The following CDH23 variants were observed in gnomAD, a reference collection of about 807,000 sequenced individuals.
The protein encoded by CDH23 is cadherin-23.
In CDH23, 189 loss-of-function variants were observed where a neutral mutation model predicts 317.1. The observed-to-expected ratio is 0.60, with a 90% CI of 0.53 to 0.67. The LOEUF (loss-of-function observed/expected upper bound fraction) is 0.67, where lower values mean the gene tolerates loss of function less well. Ranked by LOEUF, CDH23 falls within the 30% of genes least tolerant of loss-of-function variation. The probability of loss-of-function intolerance (pLI) is 0.00; values close to 1 mark genes in which losing one functional copy is unlikely to be tolerated. For synonymous variants in CDH23, 1,839 were observed against 1,876.8 expected, an observed-to-expected ratio of 0.98 and a Z score of 0.52; for missense variants, 4,401 against 4,592.4, an observed-to-expected ratio of 0.96 and a Z score of 1.20.
At chr10:71,773,510 C>T (rs760838403) in intron 38 of CDH23, 2 of 1,442,816 alleles carry the variant, frequency 1.4e-6, no homozygotes, top group South Asian at 1.2e-5. Context: ...GCGGGGAAGC[C>T]TCCCGCGACT....
At chr10:71,763,304 G>A (rs1406470094) in intron 38 of CDH23, among the ~76,000 whole-genome samples, 4 of 152,190 alleles carry the variant, frequency 2.6e-5, no homozygotes, top group Non-Finnish European at 2.9e-5. Context: ...CACTACGCCC[G>A]GCCAGTGGTA....
intron 34 of CDH23, among the ~76,000 whole-genome samples, chr10:71,736,535 A>G (rs535092051): frequency 6.6e-6 from 1 of 152,254 alleles, no homozygotes; most frequent in South Asian, 2.1e-4. Context: ...GGGGAGGGCA[A>G]TGTGGATTGT....
chr10:71,705,400 C>CCTCT (rs1169360628), intron 25 of CDH23, among the ~76,000 whole-genome samples: 6 of 152,206 alleles, frequency 3.9e-5, no homozygotes, highest in Non-Finnish European at 7.3e-5. Context: ...CCCCTCCTAG[C>CCTCT]CTCTGATCGT....
chr10:71,667,845 G>A (rs148756301), intron 14 of CDH23, among the ~76,000 whole-genome samples: 104 of 152,242 alleles, frequency 6.8e-4, no homozygotes, highest in Admixed American at 1.4e-3. Context: ...CCAGAGGGCC[G>A]GGAGCTGGGC....
Position 71,495,240 on chromosome 10 carries a change from A to G in CDH23, c.146-14842A>G, listed in dbSNP as rs77171424. Reference sequence around the variant, plus strand: ...ATGTATTAATTTTAGGGCAAAATGAATGGTGCTGTGATCATTGTGGGTAAT... The same window carrying G: ...ATGTATTAATTTTAGGGCAAAATGAGTGGTGCTGTGATCATTGTGGGTAAT... On this transcript the variant is annotated intron_variant, in intron 3 of 69. Transcript: ENST00000224721. Among the ~76,000 whole-genome samples the G allele has an allele frequency of 1.6e-4, 25 of 152,326 alleles. No homozygotes were observed. In the East Asian group the frequency reaches 4.2e-3, roughly 26 times the overall value.
rs751192273 is a variant in CDH23 at position 71,511,154 on chromosome 10, A to G, written c.371A>G (p.Asp124Gly). The change falls in exon 6 of 70, where the codon GAT becomes GGT. Residue 124 changes from aspartate to glycine, a missense_variant. Asp to Gly is a moderately conservative substitution (Grantham distance 94). Around this residue, in one of 3 missense-constraint regions of CDH23, gnomAD observed 3,068 missense variants for 3,203.3 expected, o/e 0.96. Transcript: ENST00000224721. ...ITRKVNIQVG[D>G]VNDNAPTFHN... Reference sequence around the variant, plus strand: ...CGGAAGGTGAACATCCAGGTTGGGGATGTGAATGACAACGCGCCCACATTT... The same window carrying G: ...CGGAAGGTGAACATCCAGGTTGGGGGTGTGAATGACAACGCGCCCACATTT... The G allele has an allele frequency of 1.9e-6, 3 of 1,613,632 alleles. No individual in the cohort carries two copies. The highest frequency in any genetic ancestry group is 1.7e-6 in the Non-Finnish European group (2 of 1,179,648).
chr10:71,707,594 G>A (rs1285254236), intron 26 of CDH23: 1 of 925,546 alleles, frequency 1.1e-6, no homozygotes, highest in Non-Finnish European at 1.3e-6. Context: ...AGCTGCAATG[G>A]ATTAGTGATG....
At chr10:71,760,977 G>C in intron 38 of CDH23, 1 of 1,578,218 alleles carries the variant, frequency 6.3e-7, no homozygotes, top group Non-Finnish European at 8.7e-7. Flanking sequence ...CAGGAGGCCA[G>C]GGAGGCTTGT....
At position 71,807,541 on chromosome 10, in the gene CDH23, T is replaced by A; in HGVS notation, c.8334T>A (p.His2778Gln). ...CCGGCAACGAAGAGAAGAACTTCCATCTGCAGCCCGATGGGTGTCTGCTGG... is the reference window on the plus strand; with the variant it reads ...CCGGCAACGAAGAGAAGAACTTCCAACTGCAGCCCGATGGGTGTCTGCTGG... ...IAAGNEEKNF[H>Q]LQPDGCLLVL... Residue 2778 changes from histidine to glutamine, a missense_variant, in exon 59 of 70, where the codon CAT becomes CAA. Physicochemically the swap from His to Gln is conservative, Grantham distance 24 (BLOSUM62 0). Around this residue, in one of 3 missense-constraint regions of CDH23, gnomAD observed 1,144 missense variants for 1,138.2 expected, o/e 1.01. Coordinates refer to ENST00000224721, the MANE Select transcript of CDH23 (RefSeq NM_022124.6). 1 of 1,613,928 alleles carries A rather than the reference T, an allele frequency of 6.2e-7. No homozygotes were observed. Among genetic ancestry groups the A allele is most frequent in the Non-Finnish European group, 8.5e-7 (1 of 1,179,864 alleles).
At chr10:71,791,574 C>A (rs549896814) in intron 47 of CDH23, among the ~76,000 whole-genome samples, 1 of 151,368 alleles carries the variant, frequency 6.6e-6, no homozygotes, top group African/African-American at 2.4e-5. Flanking sequence ...TTTTTCTTTT[C>A]TTTTCTTTTT....
rs1277608253 is a variant in CDH23, at chr10:71,785,038, G to A, written c.5650G>A (p.Ala1884Thr). Residue 1884 changes from alanine to threonine, a missense_variant, in exon 43 of 70, where the codon GCA becomes ACA. Ala to Thr is a moderately conservative substitution (Grantham distance 58). Transcript: ENST00000224721. ...CAGTGACGCTGACAGTGGCTGCAAT[G>A]CACGCCTCACCTTCAACATCACTGC... The part of the protein sequence containing the change: ...LASDADSGCN[A>T]RLTFNITAGN... The A allele has an allele frequency of 1.9e-6, 3 of 1,613,974 alleles. No homozygotes were observed. The highest frequency in any genetic ancestry group is 1.7e-6 in the Non-Finnish European group (2 of 1,179,918).
In CDH23 at chr10:71,566,821, C is replaced by G. The variant is rs200835414; in HGVS notation, c.509C>G (p.Ser170Cys). ...GGGGCAGGGGGCAGCGTCCTCTACT[C>G]CTTCCAGCCCCCCTCCCAATTCTTC... ...DLGAGGSVLYSFQPPSQFFAI... is the reference protein window; with the variant it reads ...DLGAGGSVLYCFQPPSQFFAI... Residue 170 changes from serine to cysteine, a missense_variant, in exon 7 of 70, where the codon TCC becomes TGC. By Grantham distance (112) the Ser-to-Cys change is moderately radical (BLOSUM62 -1). Coordinates refer to ENST00000224721, the MANE Select transcript of CDH23 (RefSeq NM_022124.6). 1.6e-4 allele frequency: 258 copies of G among 1,613,988 alleles called. No homozygotes were observed. Among genetic ancestry groups the G allele is most frequent in the Non-Finnish European group, 1.7e-6 (2 of 1,179,872 alleles).
chr10:71,616,142 G>A (rs1202907542), intron 10 of CDH23, among the ~76,000 whole-genome samples: 11 of 152,328 alleles, frequency 7.2e-5, no homozygotes, highest in East Asian at 3.9e-4. Flanking sequence ...ACTCACGGTC[G>A]GTTTCAATTC....
chr10:71,402,913 G>C (rs568861189), intron 1 of CDH23, among the ~76,000 whole-genome samples: 172 of 152,192 alleles, frequency 1.1e-3, no homozygotes, highest in African/African-American at 4.0e-3. Flanking sequence ...TCAGCAGATC[G>C]AGACCATCCT....
intron 9 of CDH23, among the ~76,000 whole-genome samples, chr10:71,608,696 A>T (rs1373491730): frequency 6.6e-6 from 1 of 152,228 alleles, no homozygotes; most frequent in Non-Finnish European, 1.5e-5. Context: ...GTCTCCAGGC[A>T]TGAGAATTAA....
intron 38 of CDH23, among the ~76,000 whole-genome samples, chr10:71,756,106 C>T (rs55684121): frequency 0.013 from 1,903 of 152,240 alleles, 16 homozygotes; most frequent in Non-Finnish European, 0.021. Flanking sequence ...ACTAGAAAAA[C>T]GTGAATCCTT....
chr10:71,572,794 G>A (rs987279710), intron 8 of CDH23, among the ~76,000 whole-genome samples: 2 of 152,208 alleles, frequency 1.3e-5, no homozygotes, highest in Non-Finnish European at 2.9e-5. Flanking sequence ...AGTCTCGCCT[G>A]TAATGTTACC....
At chr10:71,795,233 A>T (rs1006210248) in intron 48 of CDH23, among the ~76,000 whole-genome samples, 2 of 152,210 alleles carry the variant, frequency 1.3e-5, no homozygotes, top group African/African-American at 4.8e-5. Flanking sequence ...ACGCACACAT[A>T]AAACAAGAGA....
intron 9 of CDH23, among the ~76,000 whole-genome samples, chr10:71,595,465 T>A (rs527603862): frequency 5.0e-4 from 76 of 152,304 alleles, no homozygotes; most frequent in East Asian, 1.9e-4. Context: ...CGGAGGTTCA[T>A]GCTTACTCCA....
Sources: allele counts gnomAD v4.1 joint callset (sites outside exome capture counted in the v4.1 genomes callset), GRCh38; gene constraint gnomAD v4.1.1; regional missense constraint gnomAD v4.1.1; transcripts MANE v1.5; gene names NCBI Gene and HGNC (gene_info 2026-07-23, HGNC 2026-07-21).